Variants in XKR9 observed in about 807,000 individuals in gnomAD.
The protein encoded by XKR9 is XK related 9.
XKR9 carries 32 observed loss-of-function variants against 32.0 expected under a neutral mutation model. That is an observed-to-expected ratio of 1.00 (90% CI 0.76 to 1.34). The LOEUF is 1.34. Ranked by LOEUF, XKR9 falls within the 40% of genes most tolerant of loss-of-function variation. The probability of loss-of-function intolerance (pLI) is 0.00; values close to 1 mark genes in which losing one functional copy is unlikely to be tolerated. For synonymous variants in XKR9, 168 were observed against 143.4 expected (o/e 1.17, Z -1.22); for missense variants, 546 against 429.7 (o/e 1.27, Z -2.39).
At chr8:71,062,097 A>G in the XKR9 span, among the ~76,000 whole-genome samples, 1 of 152,236 alleles carries the variant, frequency 6.6e-6, no homozygotes, top group Non-Finnish European at 1.5e-5. Context: ...ACTGGTAGGA[A>G]GAAGAGCTTA....
the XKR9 span, among the ~76,000 whole-genome samples, chr8:70,956,590 T>C: frequency 6.6e-6 from 1 of 152,138 alleles, no homozygotes; most frequent in African/African-American, 2.4e-5. Context: ...ATGCTGTCCA[T>C]GGTGCCCAGG....
At chr8:70,789,974 G>A (rs1219360086) in intron 3 of XKR9, 1 of 151,494 alleles carries the variant, frequency 6.6e-6, no homozygotes, top group African/African-American at 2.4e-5. Context: ...ATCCACATGA[G>A]CGCTCTAGTC....
At chr8:71,005,086 C>T in the XKR9 span, among the ~76,000 whole-genome samples, 4 of 139,138 alleles carry the variant, frequency 2.9e-5, no homozygotes, top group African/African-American at 5.2e-5. Context: ...CCACCTTGGC[C>T]GCCCAAAGTG....
the XKR9 span, among the ~76,000 whole-genome samples, chr8:70,954,808 C>G: frequency 1.3e-5 from 2 of 152,154 alleles, no homozygotes; most frequent in Non-Finnish European, 2.9e-5. Flanking sequence ...CAGTACTGAT[C>G]GTTTTTTACC....
the XKR9 span, among the ~76,000 whole-genome samples, chr8:70,857,150 A>C: frequency 6.6e-6 from 1 of 152,216 alleles, no homozygotes; most frequent in African/African-American, 2.4e-5. Context: ...AAATAGAGAC[A>C]CAAAAAACCC....
chr8:70,717,370 C>T (rs576614322), intron 4 of XKR9, among the ~76,000 whole-genome samples: 5 of 152,330 alleles, frequency 3.3e-5, no homozygotes, highest in South Asian at 4.1e-4. Context: ...CAGCAAAATT[C>T]TGCCTGGAAA....
chr8:70,790,825 C>A (rs1348534832), downstream of XKR9, among the ~76,000 whole-genome samples: 2 of 151,984 alleles, frequency 1.3e-5, no homozygotes, highest in Non-Finnish European at 2.9e-5. Flanking sequence ...ATTTATTGCT[C>A]ACAGTTCTGG....
the XKR9 span, among the ~76,000 whole-genome samples, chr8:70,859,887 C>T: frequency 6.6e-6 from 1 of 152,018 alleles, no homozygotes; most frequent in South Asian, 2.1e-4. Flanking sequence ...TGCAAATGTA[C>T]GTTTAAATGG....
the XKR9 span, among the ~76,000 whole-genome samples, chr8:70,866,547 T>G: frequency 6.6e-6 from 1 of 152,208 alleles, no homozygotes; most frequent in Non-Finnish European, 1.5e-5. Context: ...TTAGAAAGAT[T>G]AGTTCAGAGA....
At chr8:70,994,323 C>T in the XKR9 span, among the ~76,000 whole-genome samples, 1 of 152,126 alleles carries the variant, frequency 6.6e-6, no homozygotes, top group Non-Finnish European at 1.5e-5. Flanking sequence ...TTTTTGTTTG[C>T]CTGAGAAAGC....
chr8:70,736,179 C>G (rs1371701715), downstream of XKR9, among the ~76,000 whole-genome samples: 1 of 152,058 alleles, frequency 6.6e-6, no homozygotes, highest in Non-Finnish European at 1.5e-5. Flanking sequence ...GATGGTATCT[C>G]ATTGTGGTTT....
the XKR9 span, among the ~76,000 whole-genome samples, chr8:70,812,193 C>G: frequency 1.3e-5 from 2 of 152,170 alleles, no homozygotes; most frequent in South Asian, 4.1e-4. Flanking sequence ...ACAAAAACCA[C>G]ATGATTATCT....
At chr8:70,818,459 A>G in the XKR9 span, among the ~76,000 whole-genome samples, 1 of 152,180 alleles carries the variant, frequency 6.6e-6, no homozygotes, top group African/African-American at 2.4e-5. Flanking sequence ...GATTGTAGAT[A>G]TTACGACTTT....
the XKR9 span, among the ~76,000 whole-genome samples, chr8:71,054,705 G>T: frequency 6.6e-6 from 1 of 152,104 alleles, no homozygotes; most frequent in African/African-American, 2.4e-5. Flanking sequence ...TGACATAAGT[G>T]CCCATATCCT....
Position 70,733,862 on chromosome 8 carries a change from G to A in XKR9, c.560G>A (p.Arg187Lys). The A allele has an allele frequency of 6.2e-7, 1 of 1,608,930 alleles. No homozygotes were observed. The highest frequency in any genetic ancestry group is 1.1e-5 in the South Asian group (1 of 89,066). The change falls in exon 5 of 5, where the codon AGA (arginine) becomes AAA (lysine). Residue 187 changes from arginine (R) to lysine (K), a missense_variant. By Grantham distance (26) the Arg-to-Lys change is conservative. Coordinates refer to ENST00000408926, the MANE Select transcript of XKR9 (RefSeq NM_001011720.2). Reference sequence around the variant, plus strand: ...ACTGTTGATTATCAAGTAGCTTTAAGAAAATCCTTGCCTGACAAAAAGCTT... The same window carrying A: ...ACTGTTGATTATCAAGTAGCTTTAAAAAAATCCTTGCCTGACAAAAAGCTT... ...WSTVDYQVAL[R>K]KSLPDKKLLN...
the XKR9 span, among the ~76,000 whole-genome samples, chr8:71,003,784 T>C: frequency 6.6e-6 from 1 of 152,244 alleles, no homozygotes; most frequent in African/African-American, 2.4e-5. Flanking sequence ...TTCTGAGGAC[T>C]CACAGCCTTG....
At chr8:70,740,243 C>A (rs562968399), downstream of XKR9, among the ~76,000 whole-genome samples, 50 of 152,322 alleles carry the variant, frequency 3.3e-4, no homozygotes, top group African/African-American at 1.0e-3. Flanking sequence ...GATACCCTTT[C>A]TTCCAGTTGA....
the XKR9 span, among the ~76,000 whole-genome samples, chr8:70,858,519 A>G: frequency 1.3e-5 from 2 of 152,102 alleles, no homozygotes; most frequent in African/African-American, 2.4e-5. Context: ...CTTAAAATTG[A>G]TATGTAACCA....
the XKR9 span, among the ~76,000 whole-genome samples, chr8:70,868,632 A>G: frequency 6.6e-6 from 1 of 152,052 alleles, no homozygotes; most frequent in African/African-American, 2.4e-5. Flanking sequence ...TAGTCCTTTG[A>G]GGCTGTGATG....
Sources: allele counts gnomAD v4.1 joint callset (sites outside exome capture counted in the v4.1 genomes callset), GRCh38; gene constraint gnomAD v4.1.1; transcripts MANE v1.5; gene names NCBI Gene and HGNC (gene_info 2026-07-23, HGNC 2026-07-21).